The following ADAMTSL1 variants were observed in gnomAD, a reference collection of about 807,000 sequenced individuals.
ADAMTSL1 encodes the protein ADAMTS-like protein 1.
Under a neutral mutation model 201.8 loss-of-function variants are expected in ADAMTSL1, and 126 were observed. The observed-to-expected ratio is 0.62, with a 90% CI of 0.54 to 0.72. ADAMTSL1 has a LOEUF of 0.72. Ranked by LOEUF, ADAMTSL1 falls within the 30% of genes least tolerant of loss-of-function variation. The probability of loss-of-function intolerance (pLI) is 0.00; values close to 1 mark genes in which losing one functional copy is unlikely to be tolerated. For synonymous variants in ADAMTSL1, 1,121 were observed against 903.4 expected, an observed-to-expected ratio of 1.24 and a Z score of -4.32; for missense variants, 2,679 against 2,277.8, an observed-to-expected ratio of 1.18 and a Z score of -3.59.
intron 1 of ADAMTSL1, among the ~76,000 whole-genome samples, chr9:17,942,192 T>G (rs914811737): frequency 2.6e-5 from 4 of 152,002 alleles, no homozygotes; most frequent in African/African-American, 9.7e-5. Context: ...GAGTGTCTGT[T>G]TGGGATGATG....
intron 9 of ADAMTSL1, among the ~76,000 whole-genome samples, chr9:18,667,228 T>C (rs1829499556): frequency 1.3e-5 from 2 of 151,820 alleles, no homozygotes; most frequent in Non-Finnish European, 2.9e-5. Context: ...TTTTTTTTTT[T>C]TGTCCAGCTC....
chr9:17,947,312 TACACACACACACAC>T (rs34840423), intron 1 of ADAMTSL1, among the ~76,000 whole-genome samples: 2 of 143,382 alleles, frequency 1.4e-5, no homozygotes, highest in Admixed American at 1.4e-4. Context: ...TATACACACA[TACACACACACACAC>T]ACACACACAC....
intron 1 of ADAMTSL1, among the ~76,000 whole-genome samples, chr9:18,494,095 G>A (rs756026690): frequency 3.4e-4 from 51 of 152,120 alleles, no homozygotes; most frequent in Admixed American, 1.3e-3. Context: ...GGTGGCTCAC[G>A]CCTGTAATCC....
chr9:17,921,356 A>G (rs909770997), intron 1 of ADAMTSL1, among the ~76,000 whole-genome samples: 7 of 152,114 alleles, frequency 4.6e-5, no homozygotes, highest in African/African-American at 1.4e-4. Flanking sequence ...CTGCCCGCAC[A>G]ATTCTGCTAA....
intron 9 of ADAMTSL1, among the ~76,000 whole-genome samples, chr9:18,674,692 G>C (rs2133120464): frequency 6.6e-6 from 1 of 152,014 alleles, no homozygotes; most frequent in Admixed American, 6.5e-5. Context: ...ATATTATATA[G>C]ATATATAAAT....
At chr9:17,953,853 C>T (rs114979091) in intron 1 of ADAMTSL1, among the ~76,000 whole-genome samples, 1,902 of 152,284 alleles carry the variant, frequency 0.012, 40 homozygotes, top group African/African-American at 0.043. Flanking sequence ...GGGCAGGACA[C>T]AGCTGAGGAG....
At chr9:17,983,886 T>A (rs1563933271) in intron 1 of ADAMTSL1, among the ~76,000 whole-genome samples, 1 of 152,152 alleles carries the variant, frequency 6.6e-6, no homozygotes, top group Admixed American at 6.5e-5. Flanking sequence ...AATTATCTTA[T>A]TTTTTAAATG....
intron 2 of ADAMTSL1, among the ~76,000 whole-genome samples, chr9:18,320,546 G>C (rs1303103578): frequency 6.6e-6 from 1 of 152,202 alleles, no homozygotes; most frequent in Non-Finnish European, 1.5e-5. Flanking sequence ...AATGATAGCA[G>C]ATGGAACTCC....
At chr9:18,668,614 C>T (rs1469117996) in intron 9 of ADAMTSL1, among the ~76,000 whole-genome samples, 1 of 152,096 alleles carries the variant, frequency 6.6e-6, no homozygotes, top group Non-Finnish European at 1.5e-5. Flanking sequence ...CTTATCTAGG[C>T]CTGAGTTTTG....
At chr9:18,202,612 C>T (rs1351432081) in intron 2 of ADAMTSL1, among the ~76,000 whole-genome samples, 2 of 152,214 alleles carry the variant, frequency 1.3e-5, no homozygotes, top group Non-Finnish European at 2.9e-5. Flanking sequence ...CACGTGAAGG[C>T]TTCTCTGACT....
At chr9:18,719,974 C>T (rs1833235564) in intron 14 of ADAMTSL1, among the ~76,000 whole-genome samples, 2 of 152,176 alleles carry the variant, frequency 1.3e-5, no homozygotes, top group Admixed American at 1.3e-4. Flanking sequence ...TGGATAGTCC[C>T]AGACTCTACT....
At chr9:18,537,151 C>G (rs920677450) in intron 3 of ADAMTSL1, among the ~76,000 whole-genome samples, 1 of 152,074 alleles carries the variant, frequency 6.6e-6, no homozygotes, top group Non-Finnish European at 1.5e-5. Context: ...TAAATAAAAC[C>G]AAGACCCAAT....
intron 1 of ADAMTSL1, among the ~76,000 whole-genome samples, chr9:18,487,338 C>T (rs1193365104): frequency 6.6e-6 from 1 of 152,196 alleles, no homozygotes; most frequent in African/African-American, 2.4e-5. Flanking sequence ...GCTCTTTACA[C>T]AGCATTAGTA....
chr9:18,706,943 A>G lies in ADAMTSL1; in HGVS notation c.1771A>G (p.Asn591Asp). 3 of 1,613,976 alleles carry G rather than the reference A, an allele frequency of 1.9e-6. No individual in the cohort carries two copies. The South Asian group carries it at 3.3e-5, about 18-fold the overall frequency. The change falls in exon 14 of 29, where the codon AAC becomes GAC. Residue 591 changes from asparagine to aspartate, a missense_variant. Physicochemically the swap from Asn to Asp is conservative, Grantham distance 23 (BLOSUM62 1). Coordinates refer to ENST00000380548, the MANE Select transcript of ADAMTSL1 (RefSeq NM_001040272.6). ...ATGCAGCGGGGAAATTCCTGAGTTCAACCCAGACGAGACAGATGGGCTCTT... is the reference window on the plus strand; with the variant it reads ...ATGCAGCGGGGAAATTCCTGAGTTCGACCCAGACGAGACAGATGGGCTCTT... ...GPCSGEIPEF[N>D]PDETDGLFGG...
At chr9:18,205,274 A>G (rs1829602740) in intron 2 of ADAMTSL1, among the ~76,000 whole-genome samples, 1 of 152,200 alleles carries the variant, frequency 6.6e-6, no homozygotes, top group African/African-American at 2.4e-5. Context: ...GCTCTTAGAA[A>G]TAGTTTACCA....
At chr9:18,447,742 C>T (rs571702917) in intron 2 of ADAMTSL1, among the ~76,000 whole-genome samples, 1 of 152,292 alleles carries the variant, frequency 6.6e-6, no homozygotes, top group South Asian at 2.1e-4. Flanking sequence ...AAATAGAGTA[C>T]CTTCCTCCGG....
intron 2 of ADAMTSL1, among the ~76,000 whole-genome samples, chr9:18,402,862 A>T (rs1290298259): frequency 6.6e-6 from 1 of 152,154 alleles, no homozygotes; most frequent in Non-Finnish European, 1.5e-5. Context: ...TCACCATAAG[A>T]ATTGTTGCTG....
At chr9:18,064,954 ATTTTTTTTTTTTTTTTT>A (rs563021690) in intron 1 of ADAMTSL1, among the ~76,000 whole-genome samples, 25 of 69,016 alleles carry the variant, frequency 3.6e-4, no homozygotes, top group Admixed American at 9.7e-4. Flanking sequence ...TTTGCTAAAG[ATTTTTTTTTTTTTTTTT>A]TTTTTTTTTT....
chr9:18,428,361 T>A (rs1381173047), intron 2 of ADAMTSL1, among the ~76,000 whole-genome samples: 1 of 147,100 alleles, frequency 6.8e-6, no homozygotes, highest in East Asian at 2.0e-4. Context: ...ACCTTGTGAG[T>A]CCAAGGTGGG....
Sources: allele counts gnomAD v4.1 joint callset (sites outside exome capture counted in the v4.1 genomes callset), GRCh38; gene constraint gnomAD v4.1.1; transcripts MANE v1.5; gene names NCBI Gene and HGNC (gene_info 2026-07-23, HGNC 2026-07-21).